TULP4: variants seen among roughly 807,000 people sequenced by gnomAD.
The protein encoded by TULP4 is TUB like protein 4, also known as tubby-related protein 4.
In TULP4, 16 loss-of-function variants were observed where a neutral mutation model predicts 129.0. The ratio of observed to expected loss-of-function variants is 0.12; its 90% confidence interval spans 0.08 to 0.19. The LOEUF (loss-of-function observed/expected upper bound fraction) is 0.19, where lower values mean the gene tolerates loss of function less well. Among genes scored for constraint, TULP4 ranks in the 10% least tolerant of loss-of-function variants. The probability of loss-of-function intolerance (pLI) is 1.00; values close to 1 mark genes in which losing one functional copy is unlikely to be tolerated. For synonymous variants in TULP4, 998 were observed against 854.0 expected (o/e 1.17, Z -2.94); for missense variants, 1,842 against 2,059.1 (o/e 0.89, Z 2.04).
At chr6:158,293,117 CCT>C (rs1271438782) in intron 1 of TULP4, among the ~76,000 whole-genome samples, 1 of 152,210 alleles carries the variant, frequency 6.6e-6, no homozygotes, top group Non-Finnish European at 1.5e-5. Flanking sequence ...TCCATTCCCT[CCT>C]CTCTCTGTAC....
intron 1 of TULP4, among the ~76,000 whole-genome samples, chr6:158,306,493 A>G (rs1779218424): frequency 6.6e-6 from 1 of 152,220 alleles, no homozygotes; most frequent in African/African-American, 2.4e-5. Context: ...AGTTCGAGGG[A>G]GGTTGCAGTG....
intron 6 of TULP4, among the ~76,000 whole-genome samples, chr6:158,464,764 T>C (rs1027309269): frequency 6.6e-6 from 1 of 152,142 alleles, no homozygotes; most frequent in African/African-American, 2.4e-5. Context: ...AAATGGTAAA[T>C]GTCTCCTTTC....
intron 1 of TULP4, among the ~76,000 whole-genome samples, chr6:158,244,673 T>A (rs898516916): frequency 3.3e-5 from 5 of 152,142 alleles, no homozygotes; most frequent in African/African-American, 1.2e-4. Context: ...TCTTAGACTT[T>A]TAGCCTCCAG....
chr6:158,254,994 C>T (rs187806), intron 1 of TULP4, among the ~76,000 whole-genome samples: 11,444 of 152,274 alleles, frequency 0.075, 544 homozygotes, highest in African/African-American at 0.12. Context: ...ATCACTTGAA[C>T]CCAGGAGGTG....
At chr6:158,385,452 T>C (rs1271849371) in intron 1 of TULP4, among the ~76,000 whole-genome samples, 1 of 152,118 alleles carries the variant, frequency 6.6e-6, no homozygotes, top group Non-Finnish European at 1.5e-5. Context: ...GTCAGCAGAC[T>C]CTGGCTGCAC....
chr6:158,468,991 G>A (rs534704988), intron 6 of TULP4, among the ~76,000 whole-genome samples: 4 of 152,270 alleles, frequency 2.6e-5, no homozygotes, highest in African/African-American at 9.6e-5. Flanking sequence ...CAAGAATTTC[G>A]GAGGGACACA....
chr6:158,325,776 GCTTAT>G (rs1365368933), intron 1 of TULP4, among the ~76,000 whole-genome samples: 1 of 145,900 alleles, frequency 6.9e-6, no homozygotes, highest in African/African-American at 2.4e-5. Flanking sequence ...ACCTAAACTG[GCTTAT>G]CTATTTTTAT....
At chr6:158,454,975 G>A (rs1159489979) in intron 5 of TULP4, among the ~76,000 whole-genome samples, 1 of 152,034 alleles carries the variant, frequency 6.6e-6, no homozygotes, top group Non-Finnish European at 1.5e-5. Context: ...AGGTAAGTTG[G>A]GGAGGTGACC....
At chr6:158,337,406 C>G (rs1228841902) in intron 1 of TULP4, among the ~76,000 whole-genome samples, 2 of 152,108 alleles carry the variant, frequency 1.3e-5, no homozygotes, top group Non-Finnish European at 2.9e-5. Flanking sequence ...GCTGGGATTA[C>G]AGGCATGAGC....
At chr6:158,485,765 CA>C (rs1168621624) in intron 8 of TULP4, among the ~76,000 whole-genome samples, 1 of 152,204 alleles carries the variant, frequency 6.6e-6, no homozygotes, top group Non-Finnish European at 1.5e-5. Flanking sequence ...ACTCAAGCCT[CA>C]AAATTCAATG....
chr6:158,309,923 G>T (rs58680069), upstream of TULP4, among the ~76,000 whole-genome samples: 2 of 25,378 alleles, frequency 7.9e-5, no homozygotes, highest in Non-Finnish European at 1.5e-4. Context: ...AGAGGGGGAG[G>T]GGGAGGGGGA....
At chr6:158,274,914 A>G (rs932490891) in intron 1 of TULP4, among the ~76,000 whole-genome samples, 3 of 152,206 alleles carry the variant, frequency 2.0e-5, no homozygotes, top group Admixed American at 2.0e-4. Context: ...ATCCTCATAC[A>G]TGCCAGTCTT....
At chr6:158,278,132 TA>T (rs1778679655), upstream of TULP4, among the ~76,000 whole-genome samples, 1 of 152,212 alleles carries the variant, frequency 6.6e-6, no homozygotes, top group African/African-American at 2.4e-5. Context: ...CAAGGGATCT[TA>T]AGTCTGTTGC....
At chr6:158,421,659 C>A (rs111947831) in intron 2 of TULP4, among the ~76,000 whole-genome samples, 166 of 152,266 alleles carry the variant, frequency 1.1e-3, no homozygotes, top group African/African-American at 3.5e-3. Flanking sequence ...ATCAAAAGAT[C>A]TAGCGATGTT....
intron 2 of TULP4, among the ~76,000 whole-genome samples, chr6:158,421,914 G>A (rs902241500): frequency 6.6e-6 from 1 of 152,104 alleles, no homozygotes; most frequent in Non-Finnish European, 1.5e-5. Context: ...TAGGAATTTG[G>A]GCAAGGTAAA....
At chr6:158,299,921 C>T (rs1779103994) in intron 1 of TULP4, among the ~76,000 whole-genome samples, 1 of 152,058 alleles carries the variant, frequency 6.6e-6, no homozygotes. Flanking sequence ...AAGAGAAGAA[C>T]AGGGGGATGT....
chr6:158,312,084 T>C (rs1779368325), upstream of TULP4: 1 of 397,792 alleles, frequency 2.5e-6, no homozygotes, highest in South Asian at 1.3e-4. Context: ...CAGCCGTGAA[T>C]AATCTGATGG....
intron 4 of TULP4, among the ~76,000 whole-genome samples, 158 bp downstream of exon 4, chr6:158,449,334 G>A (rs571917565): frequency 2.0e-5 from 3 of 152,244 alleles, no homozygotes; most frequent in Admixed American, 2.0e-4. Flanking sequence ...GCAAGGTAGG[G>A]CTGGCCTCAT....
At chr6:158,241,464 T>G (rs1435976828) in intron 1 of TULP4, among the ~76,000 whole-genome samples, 2 of 150,676 alleles carry the variant, frequency 1.3e-5, no homozygotes, top group African/African-American at 4.9e-5. Context: ...CATTGAGCAC[T>G]GAGTGAACGA....
Sources: gnomAD v4.1 joint callset for allele counts (sites outside exome capture counted in the v4.1 genomes callset) on GRCh38, gnomAD v4.1.1 for gene constraint, MANE v1.5 for transcripts, NCBI Gene and HGNC (gene_info 2026-07-23, HGNC 2026-07-21) for gene names.